Variants in DMD observed in about 807,000 individuals in gnomAD.
DMD encodes dystrophin.
DMD carries 63 observed loss-of-function variants against 330.1 expected under a neutral mutation model. The observed-to-expected ratio is 0.19, with a 90% confidence interval of 0.16 to 0.24. The LOEUF (loss-of-function observed/expected upper bound fraction) is 0.24. Ranked by LOEUF, DMD falls within the 10% of genes least tolerant of loss-of-function variation. The pLI is 1.00. For missense variants in DMD, 3,344 were observed against 2,684.1 expected (o/e 1.25, Z -5.43); for synonymous variants, 1,223 against 959.8 (o/e 1.27, Z -5.07).
At chrX:32,787,846 C>T (rs957988368) in intron 7 of DMD, among the ~76,000 whole-genome samples, 1 of 110,542 alleles carries the variant, frequency 9.0e-6, no homozygotes, top group Non-Finnish European at 1.9e-5. Context: ...GGCAAAATAA[C>T]TGGAAAGATC....
At chrX:32,503,617 A>G (rs185933618) in intron 18 of DMD, among the ~76,000 whole-genome samples, 1,990 of 111,157 alleles carry the variant, frequency 0.018, 46 homozygotes, top group African/African-American at 0.061. Flanking sequence ...GTGCAGTGGC[A>G]TGATCTCAGC....
At chrX:31,501,401 A>G (rs892032611) in intron 56 of DMD, among the ~76,000 whole-genome samples, 1 of 112,244 alleles carries the variant, frequency 8.9e-6, no homozygotes, top group Non-Finnish European at 1.9e-5. Context: ...ACGGAAAATA[A>G]AAGAGGTGGT....
At chrX:32,663,196 T>C (rs917033908) in intron 9 of DMD, among the ~76,000 whole-genome samples, 2 of 111,822 alleles carry the variant, frequency 1.8e-5, no homozygotes, top group Admixed American at 1.9e-4. Flanking sequence ...CAGGGATATC[T>C]ATCCTTGCCT....
intron 2 of DMD, among the ~76,000 whole-genome samples, chrX:32,931,361 T>C (rs967645319): frequency 9.0e-6 from 1 of 111,516 alleles, no homozygotes; most frequent in African/African-American, 3.2e-5. Flanking sequence ...TTACTGTCGA[T>C]AGTTGCGTTA....
At chrX:32,998,388 A>T (rs2147382681) in intron 2 of DMD, among the ~76,000 whole-genome samples, 1 of 106,983 alleles carries the variant, frequency 9.3e-6, no homozygotes, top group South Asian at 4.2e-4. Flanking sequence ...AAAAAAAAAA[A>T]AAAAAATCAA....
intron 13 of DMD, among the ~76,000 whole-genome samples, chrX:32,588,301 A>T (rs2054514757): frequency 8.9e-6 from 1 of 112,160 alleles, no homozygotes. Flanking sequence ...ACAAAGAGGG[A>T]GTAGTCATCA....
Position 31,676,731 on chromosome X carries a change from A to G in DMD, c.7872+2644T>C, listed in dbSNP as rs148039057. 5.4e-4 allele frequency among the ~76,000 whole-genome samples: 61 copies of G among 112,344 alleles called. 2 individuals carry two copies. The highest frequency in any genetic ancestry group is 1.9e-3 in the African/African-American group (59 of 30,990). ...CTAGCCTTCAGTTTTCTTCTCTGCA[A>G]ACTAAGAATAATAAGAGTACTTTTC... On this transcript the variant is annotated intron_variant, in intron 53 of 78. Transcript: ENST00000357033.
chrX:33,009,982 ATG>A (rs1428506803), intron 2 of DMD, among the ~76,000 whole-genome samples: 1 of 52,321 alleles, frequency 1.9e-5, no homozygotes, highest in Non-Finnish European at 3.3e-5. Flanking sequence ...GTGTATACAC[ATG>A]TGTGTATATA....
chrX:32,664,386 C>T (rs2061161320), intron 9 of DMD, among the ~76,000 whole-genome samples: 1 of 109,566 alleles, frequency 9.1e-6, no homozygotes, highest in South Asian at 4.0e-4. Flanking sequence ...GGACTACAGG[C>T]ACCTGCCACC....
intron 2 of DMD, among the ~76,000 whole-genome samples, chrX:32,921,432 CCAAT>C (rs1409386101): frequency 2.7e-5 from 3 of 111,956 alleles, no homozygotes; most frequent in African/African-American, 9.7e-5. Flanking sequence ...TAGTTTTTCA[CCAAT>C]CATATTGGCA....
At chrX:32,542,824 G>A (rs1346291886) in intron 17 of DMD, among the ~76,000 whole-genome samples, 2 of 111,781 alleles carry the variant, frequency 1.8e-5, no homozygotes, top group African/African-American at 3.3e-5. Flanking sequence ...ATCAAGTGTC[G>A]TATATAGCGT....
intron 64 of DMD, among the ~76,000 whole-genome samples, chrX:31,216,765 C>G (rs1019568513): frequency 4.5e-5 from 5 of 111,355 alleles, no homozygotes; most frequent in African/African-American, 1.6e-4. Context: ...CCTTAGCGCA[C>G]CATCAAAAGG....
At chrX:32,760,264 G>A (rs2072100734) in intron 7 of DMD, among the ~76,000 whole-genome samples, 1 of 111,656 alleles carries the variant, frequency 9.0e-6, no homozygotes, top group Admixed American at 9.5e-5. Context: ...ATTAAAAAGA[G>A]GAGACATAAG....
chrX:31,632,262 C>T (rs1398588616), intron 54 of DMD, among the ~76,000 whole-genome samples: 2 of 111,096 alleles, frequency 1.8e-5, no homozygotes, highest in African/African-American at 6.6e-5. Context: ...CGGGGTAAGC[C>T]TAAAGAGCTT....
In DMD at chrX:32,518,040, C is replaced by G; in HGVS notation, c.2260G>C (p.Gly754Arg). 2 of 1,210,460 alleles carry G rather than the reference C, an allele frequency of 1.7e-6. No individual in the cohort carries two copies. The highest frequency in any genetic ancestry group is 2.2e-6 in the Non-Finnish European group (2 of 894,539). ...TTTTCTTTTAAGTCTGAGAAGTTGC[C>G]TTCCTTCCGAAAGATTGCAAATTCA... is the stretch of plus-strand genomic sequence containing the variant. ...SPEFAIFRKE[G>R]NFSDLKEKVN... is the part of the protein sequence containing the mutation. The change falls in exon 18 of 79, where the codon GGC (glycine) becomes CGC (arginine). Residue 754 changes from glycine to arginine, a missense_variant. By Grantham distance (125) the Gly-to-Arg change is moderately radical. Transcript: ENST00000357033.
At chrX:32,696,812 T>C (rs1200938777) in intron 9 of DMD, among the ~76,000 whole-genome samples, 1 of 111,233 alleles carries the variant, frequency 9.0e-6, no homozygotes, top group Non-Finnish European at 1.9e-5. Flanking sequence ...AGAGAGTCGA[T>C]GGAGAGTCAA....
intron 17 of DMD, among the ~76,000 whole-genome samples, chrX:32,538,793 C>T (rs1320925661): frequency 4.5e-5 from 5 of 111,258 alleles, no homozygotes; most frequent in African/African-American, 1.6e-4. Flanking sequence ...CCGACGCATG[C>T]TGAAGCATGA....
intron 1 of DMD, chrX:33,128,335 C>A (rs2095477513): frequency 4.9e-6 from 5 of 1,027,300 alleles, no homozygotes; most frequent in Middle Eastern, 3.1e-4. Flanking sequence ...CTCACAAAAG[C>A]AGACAAACAC....
At chrX:32,812,537 G>A (rs906180335) in intron 6 of DMD, among the ~76,000 whole-genome samples, 3 of 112,080 alleles carry the variant, frequency 2.7e-5, no homozygotes, top group African/African-American at 9.7e-5. Flanking sequence ...GGAGGCTGAG[G>A]CAGTAGAATC....
Sources: gnomAD v4.1 joint callset for allele counts (sites outside exome capture counted in the v4.1 genomes callset) on GRCh38, gnomAD v4.1.1 for gene constraint, MANE v1.5 for transcripts, NCBI Gene and HGNC (gene_info 2026-07-23, HGNC 2026-07-21) for gene names.